CDH6: variants seen among roughly 807,000 people sequenced by gnomAD.
The protein encoded by CDH6 is cadherin-6.
In CDH6, 31 loss-of-function variants were observed where a neutral mutation model predicts 78.0. That is an observed-to-expected ratio of 0.40 (90% CI 0.30 to 0.54). The LOEUF (loss-of-function observed/expected upper bound fraction) is 0.54, where lower values mean the gene tolerates loss of function less well. Among genes scored for constraint, CDH6 ranks in the 20% least tolerant of loss-of-function variants. CDH6 has a pLI of 0.56. For missense variants in CDH6, 724 were observed against 975.9 expected, an observed-to-expected ratio of 0.74 and a Z score of 3.44; for synonymous variants, 376 against 368.8, an observed-to-expected ratio of 1.02 and a Z score of -0.23.
intron 1 of CDH6, among the ~76,000 whole-genome samples, chr5:31,214,180 A>G (rs139418966): frequency 1.3e-5 from 2 of 151,976 alleles, no homozygotes; most frequent in Non-Finnish European, 2.9e-5. Flanking sequence ...CTGGGAAAAA[A>G]CCAGACACAC....
chr5:31,208,549 T>G lies in CDH6; in HGVS notation c.-129+14663T>G, dbSNP rs187862944. Among the ~76,000 whole-genome samples the G allele has an allele frequency of 3.3e-5, 5 of 152,340 alleles. No homozygotes were observed. In the East Asian group the frequency reaches 9.7e-4, roughly 29 times the overall value. On this transcript the variant is annotated intron_variant, in intron 1 of 11. Transcript: ENST00000265071. Reference sequence around the variant, plus strand: ...TGTCTTATAGGGAAGTTGACATTTTTTTGGTTACTCTACTCCAAGGCATTG... The same window carrying G: ...TGTCTTATAGGGAAGTTGACATTTTGTTGGTTACTCTACTCCAAGGCATTG...
intron 1 of CDH6, among the ~76,000 whole-genome samples, chr5:31,244,152 T>TAGG (rs1235519262): frequency 2.0e-4 from 30 of 152,208 alleles, no homozygotes; most frequent in Non-Finnish European, 3.4e-4. Context: ...CTAACTGAAT[T>TAGG]AAGCCAGATG....
At chr5:31,305,029 G>T in intron 6 of CDH6, 145 bp from the exon 7 acceptor site, 2 of 796,228 alleles carry the variant, frequency 2.5e-6, no homozygotes, top group Non-Finnish European at 4.0e-6. Flanking sequence ...TTCTCCCTTT[G>T]CCCAATATCA....
chr5:31,319,875 C>T (rs1308492517), intron 11 of CDH6, among the ~76,000 whole-genome samples: 4 of 152,230 alleles, frequency 2.6e-5, no homozygotes, highest in Non-Finnish European at 5.9e-5. Flanking sequence ...CATTTATTAA[C>T]TCATTCATGA....
intron 1 of CDH6, among the ~76,000 whole-genome samples, chr5:31,227,777 C>T (rs1414293269): frequency 6.6e-6 from 1 of 152,188 alleles, no homozygotes; most frequent in African/African-American, 2.4e-5. Context: ...CTCCATGCTC[C>T]ATCCCACCTC....
At chr5:31,199,517 C>CACACACATATGTGTATATATGT (rs1740274441) in intron 1 of CDH6, among the ~76,000 whole-genome samples, 1 of 44,422 alleles carries the variant, frequency 2.3e-5, no homozygotes, top group African/African-American at 8.4e-5. Flanking sequence ...TATATATGTA[C>CACACACATATGTGTATATATGT]ACACACATAT....
chr5:31,273,927 T>C (rs1278403531), intron 2 of CDH6, among the ~76,000 whole-genome samples: 1 of 152,208 alleles, frequency 6.6e-6, no homozygotes, highest in African/African-American at 2.4e-5. Flanking sequence ...TAAGCGTCTT[T>C]TTCTTTCCCT....
intron 2 of CDH6, among the ~76,000 whole-genome samples, chr5:31,276,574 G>A (rs962822116): frequency 1.8e-4 from 27 of 152,322 alleles, no homozygotes; most frequent in Admixed American, 5.9e-4. Context: ...CCACTAGAGG[G>A]AATGGAGATT....
chr5:31,315,252 G>T (rs1336924784), intron 8 of CDH6, among the ~76,000 whole-genome samples: 1 of 152,060 alleles, frequency 6.6e-6, no homozygotes, highest in Non-Finnish European at 1.5e-5. Flanking sequence ...TGAGTTTATG[G>T]TTTGTCCATC....
intron 2 of CDH6, among the ~76,000 whole-genome samples, chr5:31,283,797 A>T (rs923279551): frequency 4.6e-4 from 70 of 150,758 alleles, no homozygotes; most frequent in African/African-American, 1.7e-3. Flanking sequence ...TCAGAAAAAT[A>T]GATTTTCTAG....
At chr5:31,273,062 G>A (rs1006701503) in intron 2 of CDH6, among the ~76,000 whole-genome samples, 5 of 151,908 alleles carry the variant, frequency 3.3e-5, no homozygotes, top group African/African-American at 1.2e-4. Flanking sequence ...ACGTTTTAAC[G>A]GACCATAAAA....
intron 5 of CDH6, among the ~76,000 whole-genome samples, chr5:31,300,142 C>G (rs553394586): frequency 6.6e-6 from 1 of 151,968 alleles, no homozygotes; most frequent in Non-Finnish European, 1.5e-5. Flanking sequence ...GTTGAGATAC[C>G]GAAAGTTGTC....
At chr5:31,204,104 A>C (rs989574183) in intron 1 of CDH6, among the ~76,000 whole-genome samples, 1 of 152,224 alleles carries the variant, frequency 6.6e-6, no homozygotes, top group Non-Finnish European at 1.5e-5. Context: ...TTAAGATAAG[A>C]ATGCAGGAAT....
intron 2 of CDH6, among the ~76,000 whole-genome samples, chr5:31,289,674 C>A (rs1022069344): frequency 6.6e-6 from 1 of 152,134 alleles, no homozygotes; most frequent in Admixed American, 6.5e-5. Flanking sequence ...GCATATGCTG[C>A]GGAGATTGCA....
chr5:31,262,780 A>G (rs752248301), intron 1 of CDH6, among the ~76,000 whole-genome samples: 2 of 151,844 alleles, frequency 1.3e-5, no homozygotes, highest in Non-Finnish European at 2.9e-5. Flanking sequence ...TCCCCTTTCC[A>G]TTTACTTCCT....
intron 1 of CDH6, among the ~76,000 whole-genome samples, chr5:31,234,235 T>C (rs548427378): frequency 6.6e-6 from 1 of 152,328 alleles, no homozygotes; most frequent in South Asian, 2.1e-4. Flanking sequence ...ATAAACTAGA[T>C]GTTTAAGTAC....
chr5:31,297,317 G>C lies in CDH6; in HGVS notation c.552G>C (p.Thr184=), dbSNP rs143211210. 4 of 1,609,962 alleles carry C rather than the reference G, an allele frequency of 2.5e-6. No individual in the cohort carries two copies. The highest frequency in any genetic ancestry group is 3.4e-6 in the Non-Finnish European group (4 of 1,176,512). The change falls in exon 4 of 12, where the codon ACG becomes ACC. Residue 184 remains threonine (T), a synonymous_variant. Coordinates refer to ENST00000265071, the MANE Select transcript of CDH6 (RefSeq NM_004932.4). The part of the protein sequence containing the change: ...VGTFVVQVTA[T]DADDPTYGNS... ...CATTTGTTGTCCAAGTCACTGCGAC[G>C]GATGCAGATGATCCAACATATGGGA...
intron 2 of CDH6, among the ~76,000 whole-genome samples, chr5:31,287,029 G>A (rs1743029941): frequency 6.6e-6 from 1 of 152,052 alleles, no homozygotes; most frequent in Admixed American, 6.5e-5. Flanking sequence ...GTCAATATTG[G>A]ATGTGCTGAG....
intron 2 of CDH6, among the ~76,000 whole-genome samples, chr5:31,287,241 A>G (rs1743036589): frequency 6.6e-6 from 1 of 152,150 alleles, no homozygotes; most frequent in African/African-American, 2.4e-5. Flanking sequence ...CCTACAGGAT[A>G]CCAGCATATA....
Sources: allele counts gnomAD v4.1 joint callset (sites outside exome capture counted in the v4.1 genomes callset), GRCh38; gene constraint gnomAD v4.1.1; transcripts MANE v1.5; gene names NCBI Gene and HGNC (gene_info 2026-07-23, HGNC 2026-07-21).